Variants in MATR3 observed in about 807,000 individuals in gnomAD.
The protein encoded by MATR3 is matrin 3, also known as matrin-3.
MATR3 carries 4 observed loss-of-function variants against 85.5 expected under a neutral mutation model. The ratio of observed to expected loss-of-function variants is 0.05; its 90% CI spans 0.02 to 0.11. The LOEUF (loss-of-function observed/expected upper bound fraction) is 0.11, where lower values mean the gene tolerates loss of function less well. Among genes scored for constraint, MATR3 ranks in the 10% least tolerant of loss-of-function variants. The probability of loss-of-function intolerance (pLI) is 1.00; values close to 1 mark genes in which losing one functional copy is unlikely to be tolerated. For synonymous variants in MATR3, 336 were observed against 343.1 expected, an observed-to-expected ratio of 0.98 and a Z score of 0.23; for missense variants, 685 against 1,016.1, an observed-to-expected ratio of 0.67 and a Z score of 4.43.
At chr5:139,284,275 A>T (rs1183474021) in intron 3 of MATR3, among the ~76,000 whole-genome samples, 1 of 152,214 alleles carries the variant, frequency 6.6e-6, no homozygotes, top group Non-Finnish European at 1.5e-5. Flanking sequence ...TCCTAACAAT[A>T]TCACCTATAG....
chr5:139,274,666 G>C (rs1753201754), intron 1 of MATR3, among the ~76,000 whole-genome samples: 4 of 152,060 alleles, frequency 2.6e-5, no homozygotes, highest in Admixed American at 2.6e-4. Flanking sequence ...GGCCGGGCGC[G>C]TGGCTCACGC....
intron 2 of MATR3, chr5:139,278,409 G>T (rs1313997556): frequency 2.2e-6 from 1 of 452,556 alleles, no homozygotes; most frequent in Admixed American, 2.4e-5. Context: ...CAGTTTTCAG[G>T]TAAATATCCC....
intron 9 of MATR3, 102 bp from the exon 10 acceptor site, chr5:139,321,796 A>G (rs2152006694): frequency 8.3e-7 from 1 of 1,211,252 alleles, no homozygotes; most frequent in South Asian, 1.3e-5. Context: ...AAAGAAAAAA[A>G]GTAATGAAAA....
Position 139,329,904 on chromosome 5 carries a change from A to G in MATR3, c.*509A>G, listed in dbSNP as rs1318444278. 4 of 454,434 alleles carry G rather than the reference A, an allele frequency of 8.8e-6. No individual in the cohort carries two copies. The East Asian group carries it at 2.1e-4, about 24-fold the overall frequency. The allele number at this position is 454,434 out of a possible 1,614,324, so 28.2% of individuals were successfully genotyped here. On this transcript the variant is annotated 3_prime_UTR_variant, in exon 15 of 15. Coordinates refer to ENST00000394805, the MANE Select transcript of MATR3 (RefSeq NM_018834.6). Reference sequence around the variant, plus strand: ...GAACTTAATTAACGTGAGATTGGCAATTGAAATGCAGGTGCAGTTTTCTGT... The same window carrying G: ...GAACTTAATTAACGTGAGATTGGCAGTTGAAATGCAGGTGCAGTTTTCTGT...
chr5:139,331,149 A>C lies in MATR3; in HGVS notation c.*1754A>C. ...AAAAACAGGATAGGCATTGTCTTTC[A>C]AATGTTCAGACCCCAGTTTATTAAA... is the stretch of plus-strand genomic sequence containing the variant. On this transcript the variant is annotated 3_prime_UTR_variant, in exon 15 of 15. Coordinates refer to ENST00000394805, the MANE Select transcript of MATR3 (RefSeq NM_018834.6). 2 of 454,130 alleles carry C rather than the reference A, an allele frequency of 4.4e-6. No homozygotes were observed. The highest frequency in any genetic ancestry group is 3.1e-5 in the South Asian group (2 of 64,480). The allele number at this position is 454,130 out of a possible 1,614,324, so 28.1% of individuals were successfully genotyped here.
chr5:139,320,530 A>T (rs1755503849), intron 9 of MATR3, among the ~76,000 whole-genome samples: 1 of 152,138 alleles, frequency 6.6e-6, no homozygotes, highest in Non-Finnish European at 1.5e-5. Flanking sequence ...TTAACCCAGG[A>T]GTCCAAGGTT....
intron 1 of MATR3, 25 bp downstream of exon 1, chr5:139,293,830 G>T (rs2151915296): frequency 4.7e-6 from 2 of 427,104 alleles, no homozygotes; most frequent in Middle Eastern, 6.1e-4. Context: ...GGTAAGAGTC[G>T]GGGTCGGGTG....
chr5:139,326,371 TTC>T, intron 14 of MATR3, 87 bp downstream of exon 14: 2 of 1,311,310 alleles, frequency 1.5e-6, no homozygotes, highest in Non-Finnish European at 2.2e-6. Context: ...GTGTATAGTG[TTC>T]TCTCTAGACT....
At chr5:139,315,192 A>G (rs568046785) in intron 3 of MATR3, 1 of 206,356 alleles carries the variant, frequency 4.8e-6, no homozygotes, top group African/African-American at 2.4e-5. Flanking sequence ...TTTTGAGTTC[A>G]GGCTGCTACC....
intron 3 of MATR3, chr5:139,282,631 A>G (rs1005557271): frequency 5.3e-5 from 8 of 152,240 alleles, no homozygotes; most frequent in East Asian, 3.8e-4. Context: ...TTGGTATATT[A>G]TGGTTGTCAC....
intron 14 of MATR3, among the ~76,000 whole-genome samples, chr5:139,328,766 C>T (rs1182246817): frequency 1.3e-5 from 2 of 152,094 alleles, no homozygotes; most frequent in Non-Finnish European, 1.5e-5. Flanking sequence ...CTTTGGGAGG[C>T]GGGGACAGGC....
At chr5:139,309,922 A>G (rs1451862742) in intron 2 of MATR3, 1 of 152,188 alleles carries the variant, frequency 6.6e-6, no homozygotes, top group Admixed American at 6.5e-5. Flanking sequence ...CAATATTCTC[A>G]GAAAGGGTCT....
At chr5:139,290,859 A>C (rs547107501), upstream of MATR3, among the ~76,000 whole-genome samples, 1 of 152,194 alleles carries the variant, frequency 6.6e-6, no homozygotes, top group East Asian at 1.9e-4. Flanking sequence ...ACCACTCCTT[A>C]CCTTAAAATT....
rs541051836 is a variant in MATR3, at chr5:139,303,661, G to A, written c.-177-3578G>A. Among the ~76,000 whole-genome samples, 16 of 152,264 alleles carry A rather than the reference G, an allele frequency of 1.1e-4. No individual in the cohort carries two copies. In the South Asian group the frequency reaches 3.3e-3, roughly 32 times the overall value. On this transcript the variant is annotated intron_variant, in intron 1 of 14. Coordinates refer to ENST00000394805, the MANE Select transcript of MATR3 (RefSeq NM_018834.6). ...TGGGAGGATGGTTTGAGCCTGGGAG[G>A]CAGAGGTTACAGTGAGCCTGGGCAA...
intron 1 of MATR3, chr5:139,294,913 A>C (rs1754065081): frequency 6.6e-6 from 1 of 152,200 alleles, no homozygotes; most frequent in Non-Finnish European, 1.5e-5. Context: ...TTTTAGCCAG[A>C]TATTTCTAGA....
At chr5:139,294,194 G>A in intron 1 of MATR3, 2 of 582,808 alleles carry the variant, frequency 3.4e-6, no homozygotes, top group Non-Finnish European at 5.1e-6. Context: ...CGGCGCTGAG[G>A]GGGAGGGAGG....
intron 1 of MATR3, among the ~76,000 whole-genome samples, chr5:139,306,755 G>A (rs1277246838): frequency 6.6e-6 from 1 of 152,122 alleles, no homozygotes; most frequent in Non-Finnish European, 1.5e-5. Flanking sequence ...TGAAACCTAA[G>A]CTTCATTTAC....
At position 139,293,793 on chromosome 5, in the gene MATR3, C is replaced by G. The variant is rs903536238; in HGVS notation, c.-190C>G. The G allele has an allele frequency of 5.0e-6, 2 of 399,518 alleles. No homozygotes were observed. Among genetic ancestry groups the G allele is most frequent in the East Asian group, 7.2e-5 (2 of 27,948 alleles). The allele number at this position is 399,518 out of a possible 1,614,324, so 24.7% of individuals were successfully genotyped here. ...GAGAGGTACCTCTCCTTTTCCCTCT[C>G]CCTTTCCCTAAGGTAGGCGTGAAGC... On this transcript the variant is annotated 5_prime_UTR_variant, in exon 1 of 15. Transcript: ENST00000394805.
intron 3 of MATR3, among the ~76,000 whole-genome samples, chr5:139,287,693 T>G (rs890758779): frequency 6.6e-6 from 1 of 152,162 alleles, no homozygotes; most frequent in Admixed American, 6.6e-5. Context: ...CCAGCAATTC[T>G]TGCTTTGAAA....
Sources: allele counts gnomAD v4.1 joint callset (sites outside exome capture counted in the v4.1 genomes callset), GRCh38; gene constraint gnomAD v4.1.1; transcripts MANE v1.5; gene names NCBI Gene and HGNC (gene_info 2026-07-23, HGNC 2026-07-21).